C9orf85: variants seen among roughly 807,000 people sequenced by gnomAD.
The protein encoded by C9orf85 is chromosome 9 open reading frame 85.
In C9orf85, 16 loss-of-function variants were observed where a neutral mutation model predicts 14.9. The observed-to-expected ratio is 1.08, with a 90% CI of 0.73 to 1.63. The LOEUF is 1.63. C9orf85 is among the 40% of genes most tolerant of loss of function. C9orf85 has a pLI of 0.00. For missense variants in C9orf85, 172 were observed against 186.1 expected, an observed-to-expected ratio of 0.92 and a Z score of 0.44; for synonymous variants, 45 against 56.8, an observed-to-expected ratio of 0.79 and a Z score of 0.93.
intron 1 of C9orf85, among the ~76,000 whole-genome samples, chr9:71,935,570 T>TC (rs1828168584): frequency 6.7e-6 from 1 of 149,470 alleles, no homozygotes; most frequent in African/African-American, 2.5e-5. Context: ...GACAAGAGGA[T>TC]CACTTGAGGC....
At chr9:71,979,538 G>A (rs1020467253) in intron 3 of C9orf85, among the ~76,000 whole-genome samples, 21 of 152,068 alleles carry the variant, frequency 1.4e-4, no homozygotes, top group Non-Finnish European at 5.9e-5. Context: ...CACTGAAAGG[G>A]CAGAAGCAAA....
At chr9:71,928,269 A>G (rs1827979437) in intron 1 of C9orf85, among the ~76,000 whole-genome samples, 1 of 150,896 alleles carries the variant, frequency 6.6e-6, no homozygotes, top group Non-Finnish European at 1.5e-5. Flanking sequence ...CTGTATCTAT[A>G]TGCCTCCTTC....
chr9:71,953,262 A>G (rs1275145762), intron 2 of C9orf85, among the ~76,000 whole-genome samples: 1 of 152,178 alleles, frequency 6.6e-6, no homozygotes, highest in African/African-American at 2.4e-5. Flanking sequence ...CCTGTATCTT[A>G]GTTCAGTGGT....
At chr9:71,918,471 T>C (rs1028880355) in intron 1 of C9orf85, 14 of 1,302,112 alleles carry the variant, frequency 1.1e-5, no homozygotes, top group Middle Eastern at 2.1e-4. Context: ...TGTCTCCCTG[T>C]GGAGCAGGGG....
chr9:71,966,094 C>G (rs1458452887), intron 2 of C9orf85, among the ~76,000 whole-genome samples: 1 of 152,206 alleles, frequency 6.6e-6, no homozygotes, highest in African/African-American at 2.4e-5. Context: ...GCTGAGTGTT[C>G]AAACTGTTCA....
At chr9:71,948,682 T>G (rs1353327581) in intron 2 of C9orf85, among the ~76,000 whole-genome samples, 1 of 152,054 alleles carries the variant, frequency 6.6e-6, no homozygotes, top group Non-Finnish European at 1.5e-5. Flanking sequence ...CCACCATGCC[T>G]GGCTAATTTT....
intron 1 of C9orf85, among the ~76,000 whole-genome samples, chr9:71,927,266 CAAAAAAA>C (rs61679762): frequency 4.2e-4 from 45 of 106,762 alleles, no homozygotes; most frequent in African/African-American, 1.3e-3. Context: ...GAAAGTTTGT[CAAAAAAA>C]AAAAAAAAAA....
chr9:71,912,543 T>C (rs1225980017), intron 1 of C9orf85, among the ~76,000 whole-genome samples: 1 of 151,920 alleles, frequency 6.6e-6, no homozygotes. Context: ...GGTCAGGAGT[T>C]CGAGAACGAC....
At chr9:71,930,803 C>CAAAA (rs747596247) in intron 1 of C9orf85, among the ~76,000 whole-genome samples, 2 of 61,030 alleles carry the variant, frequency 3.3e-5, no homozygotes, top group Admixed American at 1.8e-4. Context: ...GACCCTGTCT[C>CAAAA]AAAAAAAAAA....
intron 3 of C9orf85, among the ~76,000 whole-genome samples, chr9:71,981,996 C>T (rs1234938234): frequency 3.3e-5 from 5 of 152,102 alleles, no homozygotes; most frequent in African/African-American, 9.7e-5. Context: ...CACCACAATC[C>T]AGTTTTAGAA....
intron 1 of C9orf85, among the ~76,000 whole-genome samples, chr9:71,936,123 A>G (rs1314799906): frequency 1.3e-5 from 2 of 152,098 alleles, no homozygotes; most frequent in Admixed American, 6.6e-5. Flanking sequence ...AACAGATTGT[A>G]TTGCTAATTG....
intron 1 of C9orf85, among the ~76,000 whole-genome samples, chr9:71,932,621 A>G (rs965639203): frequency 2.6e-5 from 4 of 152,222 alleles, no homozygotes; most frequent in Non-Finnish European, 5.9e-5. Context: ...ATAATAAAAA[A>G]CAAAACAAAA....
intron 1 of C9orf85, among the ~76,000 whole-genome samples, chr9:71,912,446 A>T (rs1827531542): frequency 6.6e-6 from 1 of 152,172 alleles, no homozygotes; most frequent in Non-Finnish European, 1.5e-5. Context: ...TGGGTTGTAT[A>T]TAAGTACTAA....
intron 1 of C9orf85, among the ~76,000 whole-genome samples, chr9:71,920,468 T>A (rs1030607724): frequency 2.0e-5 from 3 of 152,214 alleles, no homozygotes; most frequent in Non-Finnish European, 4.4e-5. Context: ...GTAATTAATA[T>A]GAATTCACCC....
chr9:71,914,860 G>A (rs186646414), intron 1 of C9orf85, among the ~76,000 whole-genome samples: 5 of 152,272 alleles, frequency 3.3e-5, no homozygotes, highest in South Asian at 4.1e-4. Flanking sequence ...ATTGGTCACC[G>A]GTACCCTCAA....
At chr9:71,977,216 T>TAAA (rs140317277), downstream of C9orf85, among the ~76,000 whole-genome samples, 155 of 150,110 alleles carry the variant, frequency 1.0e-3, no homozygotes, top group African/African-American at 3.6e-3. Flanking sequence ...TCTTTTGTTG[T>TAAA]AAAAAAAAAA....
intron 1 of C9orf85, among the ~76,000 whole-genome samples, chr9:71,929,941 T>G (rs994990497): frequency 1.3e-4 from 18 of 140,016 alleles, no homozygotes; most frequent in African/African-American, 4.7e-4. Flanking sequence ...CTCTTAATTC[T>G]TTGAGCCTTA....
chr9:71,978,549 C>T (rs935805174), intron 3 of C9orf85, among the ~76,000 whole-genome samples: 19 of 151,978 alleles, frequency 1.3e-4, no homozygotes, highest in Admixed American at 1.0e-3. Flanking sequence ...CTTTATGGGC[C>T]GCATTATGCA....
At chr9:71,973,525 G>A (rs1364781047), downstream of C9orf85, 1 of 152,016 alleles carries the variant, frequency 6.6e-6, no homozygotes, top group Non-Finnish European at 1.5e-5. Context: ...TGTTTAACAA[G>A]CGTATAGCAA....
Sources: allele counts gnomAD v4.1 joint callset (sites outside exome capture counted in the v4.1 genomes callset), GRCh38; gene constraint gnomAD v4.1.1; transcripts MANE v1.5; gene names NCBI Gene and HGNC (gene_info 2026-07-23, HGNC 2026-07-21).